Variants in LRRC37A2 observed in about 807,000 individuals in gnomAD.
LRRC37A2 encodes leucine rich repeat containing 37 member A2.
In LRRC37A2, 9 loss-of-function variants were observed where a neutral mutation model predicts 68.8. The observed-to-expected ratio is 0.13, with a 90% CI of 0.08 to 0.23. The LOEUF is 0.23. Among genes scored for constraint, LRRC37A2 ranks in the 10% least tolerant of loss-of-function variants. The pLI, the probability that LRRC37A2 is intolerant of heterozygous loss-of-function variation, is 1.00. For synonymous variants in LRRC37A2, 63 were observed against 367.6 expected, an observed-to-expected ratio of 0.17 and a Z score of 9.48; for missense variants, 168 against 950.4, an observed-to-expected ratio of 0.18 and a Z score of 10.82.
At chr17:46,916,956 A>G in the LRRC37A2 span, 1 of 152,190 alleles carries the variant, frequency 6.6e-6, no homozygotes, top group African/African-American at 2.4e-5. Context: ...ACATCAATCC[A>G]TTCATGAAGG....
chr17:46,936,521 TCA>T, the LRRC37A2 span: 1 of 985,532 alleles, frequency 1.0e-6, no homozygotes, highest in Non-Finnish European at 1.2e-6. Context: ...TCCACCTGCC[TCA>T]CACCCTGCCT....
chr17:46,816,533 G>A, the LRRC37A2 span, among the ~76,000 whole-genome samples: 5 of 151,090 alleles, frequency 3.3e-5, no homozygotes, highest in African/African-American at 4.9e-5. Context: ...CCTTGGCTTA[G>A]ACAAAGCAGC....
chr17:46,418,193 T>TTGTG, the LRRC37A2 span, among the ~76,000 whole-genome samples: 7 of 57,146 alleles, frequency 1.2e-4, 2 homozygotes, highest in African/African-American at 2.6e-4. Context: ...GGAAAATAAA[T>TTGTG]TGTGTGTGTG....
chr17:46,864,747 T>C, the LRRC37A2 span, among the ~76,000 whole-genome samples: 1 of 152,138 alleles, frequency 6.6e-6, no homozygotes, highest in Non-Finnish European at 1.5e-5. Flanking sequence ...TCAAGAGACC[T>C]GGGCCACAGA....
chr17:46,773,538 C>T, the LRRC37A2 span: 28 of 1,110,896 alleles, frequency 2.5e-5, 1 homozygote, highest in Middle Eastern at 3.1e-4. Context: ...AGTCATGCAA[C>T]CAAATTTATC....
chr17:46,955,419 A>G, the LRRC37A2 span: 2 of 152,044 alleles, frequency 1.3e-5, no homozygotes, highest in South Asian at 2.1e-4. Flanking sequence ...TCGGTTTGCC[A>G]GTATTTTATT....
At chr17:46,898,848 G>T in the LRRC37A2 span, among the ~76,000 whole-genome samples, 1 of 152,152 alleles carries the variant, frequency 6.6e-6, no homozygotes, top group South Asian at 2.1e-4. Context: ...CTGGAAAACG[G>T]TCTGGCAGTT....
the LRRC37A2 span, among the ~76,000 whole-genome samples, chr17:46,811,626 C>T: frequency 6.6e-6 from 1 of 152,136 alleles, no homozygotes. Context: ...GGACAGGGTG[C>T]CCGAAGGAGA....
the LRRC37A2 span, chr17:46,929,569 A>C: frequency 6.5e-7 from 1 of 1,533,140 alleles, no homozygotes; most frequent in Non-Finnish European, 9.0e-7. Context: ...GACGGCAGAC[A>C]AGCAGTCTGT....
chr17:46,978,327 G>T, the LRRC37A2 span: 5 of 367,068 alleles, frequency 1.4e-5, no homozygotes, highest in Non-Finnish European at 1.9e-5. Context: ...GCGAGCGACC[G>T]CAGTCCCAAA....
At chr17:46,493,939 C>T in the LRRC37A2 span, among the ~76,000 whole-genome samples, 1 of 151,132 alleles carries the variant, frequency 6.6e-6, no homozygotes, top group Non-Finnish European at 1.5e-5. Context: ...ACTCCAGGTT[C>T]AAGGTGATCC....
At chr17:46,837,622 C>T in the LRRC37A2 span, among the ~76,000 whole-genome samples, 1 of 152,138 alleles carries the variant, frequency 6.6e-6, no homozygotes, top group Non-Finnish European at 1.5e-5. Flanking sequence ...GGGATGTGAA[C>T]CCAGAGAGTC....
chr17:46,550,780 T>C (rs1356878411), intron 11 of LRRC37A2, among the ~76,000 whole-genome samples: 1 of 78,946 alleles, frequency 1.3e-5, no homozygotes, highest in East Asian at 2.4e-4. Context: ...CGAAAATTTC[T>C]CCCACCCAAA....
At chr17:47,034,981 G>GA in the LRRC37A2 span, 5 of 151,950 alleles carry the variant, frequency 3.3e-5, no homozygotes, top group South Asian at 2.1e-4. Context: ...TCTGGAATAG[G>GA]AAGAGGAGGG....
At chr17:46,826,438 A>C in the LRRC37A2 span, among the ~76,000 whole-genome samples, 1 of 152,236 alleles carries the variant, frequency 6.6e-6, no homozygotes, top group Non-Finnish European at 1.5e-5. Flanking sequence ...CCCACATCCC[A>C]GCAGGACCCA....
At chr17:46,930,381 C>T in the LRRC37A2 span, 1 of 152,216 alleles carries the variant, frequency 6.6e-6, no homozygotes, top group Admixed American at 6.5e-5. Flanking sequence ...ACTTTGTTTG[C>T]CTTCTCAGCA....
chr17:46,777,494 G>A, the LRRC37A2 span, among the ~76,000 whole-genome samples: 1 of 152,230 alleles, frequency 6.6e-6, no homozygotes, highest in Admixed American at 6.5e-5. Flanking sequence ...CTCAAAGGTC[G>A]GAGTGCTTCC....
the LRRC37A2 span, among the ~76,000 whole-genome samples, chr17:46,883,823 C>T: frequency 6.6e-6 from 1 of 152,204 alleles, no homozygotes. Flanking sequence ...TCTTTCTCCC[C>T]ACCCTGCATA....
chr17:46,998,288 C>G, the LRRC37A2 span, among the ~76,000 whole-genome samples: 2 of 152,142 alleles, frequency 1.3e-5, no homozygotes, highest in Non-Finnish European at 2.9e-5. Context: ...AGTCCTAATC[C>G]CGGCTCGGCC....
Sources: gnomAD v4.1 joint callset for allele counts (sites outside exome capture counted in the v4.1 genomes callset) on GRCh38, gnomAD v4.1.1 for gene constraint, MANE v1.5 for transcripts, NCBI Gene and HGNC (gene_info 2026-07-23, HGNC 2026-07-21) for gene names.